TPRKB: variants seen among roughly 807,000 people sequenced by gnomAD.
TPRKB encodes the protein TP53RK binding protein, also known as EKC/KEOPS complex subunit TPRKB.
In TPRKB, 11 loss-of-function variants were observed where a neutral mutation model predicts 17.8. The observed-to-expected ratio is 0.62, with a 90% CI of 0.39 to 1.02. The LOEUF (loss-of-function observed/expected upper bound fraction) is 1.02, where lower values mean the gene tolerates loss of function less well. Ranked by LOEUF, TPRKB falls within the 50% of genes least tolerant of loss-of-function variation. The probability of loss-of-function intolerance (pLI) is 0.00; values close to 1 mark genes in which losing one functional copy is unlikely to be tolerated. For synonymous variants in TPRKB, 71 were observed against 69.5 expected (o/e 1.02, Z -0.11); for missense variants, 228 against 198.0 (o/e 1.15, Z -0.91).
chr2:73,731,982 A>T, intron 3 of TPRKB, 181 bp downstream of exon 3: 1 of 561,594 alleles, frequency 1.8e-6, no homozygotes, highest in Non-Finnish European at 2.9e-6. Context: ...TTGTTTACTC[A>T]TATGTAAACT....
chr2:73,732,361 T>G (rs1244426439), intron 2 of TPRKB, 76 bp from the exon 3 acceptor site: 1 of 1,467,134 alleles, frequency 6.8e-7, no homozygotes, highest in Non-Finnish European at 9.3e-7. Flanking sequence ...AACTCATGGT[T>G]AACTCCAGTG....
chr2:73,733,814 CTT>C lies in TPRKB; in HGVS notation c.141+613_141+614del, dbSNP rs755122123. ...AAATGCCCTGTATGGCTCATTCATTCTTTTTTTTTTTTTTTTTTTTTGAGGCG... is the reference window on the plus strand; with the variant it reads ...AAATGCCCTGTATGGCTCATTCATTCTTTTTTTTTTTTTTTTTTTGAGGCG... On this transcript the variant is annotated intron_variant, in intron 2 of 4. Transcript: ENST00000272424. 8.8e-3 allele frequency among the ~76,000 whole-genome samples: 999 copies of C among 113,996 alleles called. 9 individuals are homozygous for C. Among genetic ancestry groups the C allele is most frequent in the African/African-American group, 0.036 (934 of 25,874 alleles). The allele number at this position is 113,996 out of a possible 152,430, so 74.8% of individuals were successfully genotyped here. A position where few individuals can be genotyped will look rare whatever the true frequency, so the allele number is the denominator to read the frequency against.
chr2:73,730,747 A>G lies in TPRKB; in HGVS notation c.265-11T>C, dbSNP rs1238403360. The G allele has an allele frequency of 6.7e-7, 1 of 1,489,634 alleles. No individual in the cohort carries two copies. Among genetic ancestry groups the G allele is most frequent in the Non-Finnish European group, 8.9e-7 (1 of 1,125,206 alleles). The allele number at this position is 1,489,634 out of a possible 1,614,324, so 92.3% of individuals were successfully genotyped here. On this transcript the variant is annotated splice_polypyrimidine_tract_variant and intron_variant, in intron 3 of 4. Coordinates refer to ENST00000272424, the MANE Select transcript of TPRKB (RefSeq NM_016058.5). The stretch of plus-strand genomic sequence containing the variant: ...CAAAGCCTCTGAAATCTAAGAGAAA[A>G]AAAATGAAAAAAAAAACACAAGATC...
At chr2:73,733,253 T>G (rs990887306) in intron 2 of TPRKB, among the ~76,000 whole-genome samples, 2 of 143,886 alleles carry the variant, frequency 1.4e-5, no homozygotes, top group African/African-American at 2.6e-5. Context: ...CCTGTTTTTT[T>G]GTTTTTTTTT....
At chr2:73,730,418 CTGT>C (rs1313899808) in intron 4 of TPRKB, 139 bp downstream of exon 4, 4 of 582,252 alleles carry the variant, frequency 6.9e-6, no homozygotes, top group Non-Finnish European at 1.1e-5. Flanking sequence ...TTCTTTGTAT[CTGT>C]AATTTTTAAG....
intron 1 of TPRKB, 140 bp downstream of exon 1, chr2:73,737,161 AT>A (rs1210398902): frequency 6.6e-6 from 1 of 152,268 alleles, no homozygotes; most frequent in East Asian, 1.9e-4. Flanking sequence ...TGACTCTATC[AT>A]TCTCGTGCTG....
chr2:73,732,299 G>C lies in TPRKB; in HGVS notation c.142-14C>G, dbSNP rs1490179133. The stretch of plus-strand genomic sequence containing the variant: ...TGGATCAACAATCTACCAAAGCAAG[G>C]AAAAAGAATTAATTACACATGGAGA... On this transcript the variant is annotated splice_polypyrimidine_tract_variant and intron_variant, in intron 2 of 4. Coordinates refer to ENST00000272424, the MANE Select transcript of TPRKB (RefSeq NM_016058.5). 4 of 1,606,624 alleles carry C rather than the reference G, an allele frequency of 2.5e-6. No homozygotes were observed. The highest frequency in any genetic ancestry group is 3.4e-6 in the Non-Finnish European group (4 of 1,177,838).
rs138929531 is a variant in TPRKB at position 73,733,569 on chromosome 2, G to A, written c.141+860C>T. On this transcript the variant is annotated intron_variant, in intron 2 of 4. Transcript: ENST00000272424. ...TCCTCCTCTACAGACTGTCTTGTTA[G>A]GAACCCCCATTTTAAAGATGAGAAG... Among the ~76,000 whole-genome samples, 1,493 of 152,002 alleles carry A rather than the reference G, an allele frequency of 9.8e-3. 30 individuals are homozygous for A. Among genetic ancestry groups the A allele is most frequent in the African/African-American group, 0.034 (1,396 of 41,430 alleles).
chr2:73,733,049 A>G (rs1177682332), intron 2 of TPRKB, among the ~76,000 whole-genome samples: 2 of 152,096 alleles, frequency 1.3e-5, no homozygotes, highest in Non-Finnish European at 2.9e-5. Context: ...TTAGCATTTT[A>G]TTTGTTAGAG....
At chr2:73,733,246 GTTTTTTTGTTT>G (rs1195356633) in intron 2 of TPRKB, among the ~76,000 whole-genome samples, 2 of 119,378 alleles carry the variant, frequency 1.7e-5, no homozygotes, top group South Asian at 2.8e-4. Flanking sequence ...CGTGTGCCCT[GTTTTTTTGTTT>G]TTTTTTTTTT....
chr2:73,736,304 C>G (rs1278217735), intron 1 of TPRKB, among the ~76,000 whole-genome samples: 2 of 151,968 alleles, frequency 1.3e-5, no homozygotes, highest in Non-Finnish European at 2.9e-5. Context: ...ATGAAAGAAA[C>G]ACTAAAATAT....
Position 73,730,541 on chromosome 2 carries a change from A to C in TPRKB, c.441+19T>G. 1 of 1,551,252 alleles carries C rather than the reference A, an allele frequency of 6.4e-7. No homozygotes were observed. Among genetic ancestry groups the C allele is most frequent in the Non-Finnish European group, 8.7e-7 (1 of 1,151,360 alleles). On this transcript the variant is annotated intron_variant, in intron 4 of 4. Transcript: ENST00000272424. ...TTGCTCATCTATCACACTCTTTCTAAAAATATGGACTGGCAAACCTTTTTG... is the reference window on the plus strand; with the variant it reads ...TTGCTCATCTATCACACTCTTTCTACAAATATGGACTGGCAAACCTTTTTG...
In TPRKB at chr2:73,734,434, T is replaced by C. The variant is rs780348427; in HGVS notation, c.136A>G (p.Thr46Ala). 8.5e-5 allele frequency: 137 copies of C among 1,611,738 alleles called. No homozygotes were observed. The South Asian group carries it at 1.4e-3, about 17-fold the overall frequency. Residue 46 changes from threonine (T) to alanine (A), a missense_variant, in exon 2 of 5, where the codon ACA becomes GCA. Transcript: ENST00000272424. ...TTCTTAAAATTTATATTTACCACTG[T>C]AGGATTTATCAGTGATCCATCGATG... ...GTIDGSLINPTVIVDPFQILV... is the reference protein window; with the variant it reads ...GTIDGSLINPAVIVDPFQILV...
Position 73,730,605 on chromosome 2 carries a change from A to G in TPRKB, c.396T>C (p.Ser132=). ...LISQVEGHQV[S]LKNLPEIMNI... ...TCATTATTTCAGGAAGATTTTTCAG[A>G]GAAACCTGATGACCTTCTACTTGAG... Residue 132 remains serine, a synonymous_variant, in exon 4 of 5, where the codon TCT becomes TCC. Transcript: ENST00000272424. 12 of 1,591,636 alleles carry G rather than the reference A, an allele frequency of 7.5e-6. No individual in the cohort carries two copies. The highest frequency in any genetic ancestry group is 1.0e-5 in the Non-Finnish European group (12 of 1,173,492).
chr2:73,734,494 C>T lies in TPRKB; in HGVS notation c.76G>A (p.Ala26Thr). 1 of 1,614,100 alleles carries T rather than the reference C, an allele frequency of 6.2e-7. No individual in the cohort carries two copies. The highest frequency in any genetic ancestry group is 8.5e-7 in the Non-Finnish European group (1 of 1,179,988). The change falls in exon 2 of 5, where the codon GCG (alanine) becomes ACG (threonine). Residue 26 changes from alanine (A) to threonine (T), a missense_variant. By Grantham distance (58) the Ala-to-Thr change is moderately conservative. Transcript: ENST00000272424. ...ATGGCCTTTCTTCTCAAGTCTCCCG[C>T]ATTTTTTACATCTTTAAATAACAGA... ...TLLLFKDVKN[A>T]GDLRRKAMEG... is the part of the protein sequence containing the mutation.
intron 4 of TPRKB, 51 bp downstream of exon 4, chr2:73,730,509 A>C (rs576281641): frequency 7.7e-7 from 1 of 1,306,300 alleles, no homozygotes; most frequent in East Asian, 2.6e-5. Context: ...AAACGGCATC[A>C]GCATTATTGC....
chr2:73,735,927 G>C (rs192535864), intron 1 of TPRKB, among the ~76,000 whole-genome samples: 28 of 152,164 alleles, frequency 1.8e-4, no homozygotes, highest in African/African-American at 6.7e-4. Flanking sequence ...GCTAATGATG[G>C]GATTAGTTGT....
intron 2 of TPRKB, 121 bp from the exon 3 acceptor site, chr2:73,732,406 C>T: frequency 8.6e-7 from 1 of 1,166,504 alleles, no homozygotes; most frequent in Non-Finnish European, 1.2e-6. Flanking sequence ...TTCTTACGGT[C>T]TGTATTTTCA....
intron 2 of TPRKB, among the ~76,000 whole-genome samples, chr2:73,733,366 C>G (rs916702372): frequency 2.0e-5 from 3 of 147,290 alleles, no homozygotes; most frequent in African/African-American, 7.5e-5. Context: ...TCAAATGATT[C>G]TTGTGCCTCA....
Sources: allele counts gnomAD v4.1 joint callset (sites outside exome capture counted in the v4.1 genomes callset), GRCh38; gene constraint gnomAD v4.1.1; transcripts MANE v1.5; gene names NCBI Gene and HGNC (gene_info 2026-07-23, HGNC 2026-07-21).